The following SIPA1L3 variants were observed in gnomAD, a reference collection of about 807,000 sequenced individuals.
SIPA1L3 encodes the protein signal induced proliferation associated 1 like 3, also known as signal-induced proliferation-associated 1-like protein 3.
In SIPA1L3, 59 loss-of-function variants were observed where a neutral mutation model predicts 150.1. The ratio of observed to expected loss-of-function variants is 0.39; its 90% CI spans 0.32 to 0.49. SIPA1L3 has a LOEUF of 0.49. Ranked by LOEUF, SIPA1L3 falls within the 20% of genes least tolerant of loss-of-function variation. The probability of loss-of-function intolerance (pLI) is 0.86; values close to 1 mark genes in which losing one functional copy is unlikely to be tolerated. For missense variants in SIPA1L3, 2,211 were observed against 2,489.5 expected, an observed-to-expected ratio of 0.89 and a Z score of 2.38; for synonymous variants, 1,070 against 1,077.6, an observed-to-expected ratio of 0.99 and a Z score of 0.14.
intron 13 of SIPA1L3, 59 bp downstream of exon 13, chr19:38,153,026 CT>C: frequency 1.3e-6 from 2 of 1,569,214 alleles, no homozygotes; most frequent in South Asian, 2.3e-5. Flanking sequence ...GGACCTCTTA[CT>C]TAGAGCTTGA....
Position 38,164,971 on chromosome 19 carries a change from C to A in SIPA1L3, c.4208+65C>A. On this transcript the variant is annotated intron_variant, in intron 15 of 21. Transcript: ENST00000222345. The surrounding 1 kb of genome is among the most constrained non-coding windows in gnomAD (Gnocchi z 4.1). ...ACTTCGCCAGTTCTACTTTTACGGT[C>A]CTGATGGTGGGGTTCTCCTCCCCAG... is the stretch of plus-strand genomic sequence containing the variant. The A allele has an allele frequency of 7.1e-7, 1 of 1,408,976 alleles. No homozygotes were observed. The highest frequency in any genetic ancestry group is 1.4e-5 in the South Asian group (1 of 69,158). 87.3% of individuals were successfully genotyped at this position (1,408,976 alleles called of 1,614,324 possible).
In SIPA1L3 at chr19:38,198,378, TC is replaced by T; in HGVS notation, c.4841-7del. 6.5e-7 allele frequency: 1 copy of T among 1,531,344 alleles called. No homozygotes were observed. Among genetic ancestry groups the T allele is most frequent in the African/African-American group, 1.4e-5 (1 of 71,438 alleles). The allele number at this position is 1,531,344 out of a possible 1,614,324, so 94.9% of individuals were successfully genotyped here. On this transcript the variant is annotated splice_polypyrimidine_tract_variant and intron_variant, in intron 18 of 21. Transcript: ENST00000222345. ...CACTCAACCACTGCCATCTCCACCC[TC>T]CCCATCCAGCCACCATCTCAGCCTC...
intron 2 of SIPA1L3, among the ~76,000 whole-genome samples, chr19:38,069,662 T>A (rs537854596): frequency 1.8e-4 from 28 of 151,974 alleles, no homozygotes; most frequent in African/African-American, 6.5e-4. Context: ...CTATATATTT[T>A]TTTTTATTTT....
rs552599149 is a variant in SIPA1L3 at position 38,100,025 on chromosome 19, G to T, written c.1729G>T (p.Gly577Trp). The change falls in exon 5 of 22, where the codon GGG becomes TGG. Residue 577 changes from glycine (G) to tryptophan (W), a missense_variant. Transcript: ENST00000222345. ...GCCCACAGCCACCAAGCATGGGACCGGGCGGGGCCTGCCCTTGAAGGATGC... is the reference window on the plus strand; with the variant it reads ...GCCCACAGCCACCAAGCATGGGACCTGGCGGGGCCTGCCCTTGAAGGATGC... ...ATPTATKHGT[G>W]RGLPLKDALE... 9.3e-6 allele frequency: 15 copies of T among 1,611,748 alleles called. No homozygotes were observed. In the South Asian group the frequency reaches 1.7e-4, roughly 18 times the overall value.
At chr19:37,911,542 T>C (rs1440508750) in intron 1 of SIPA1L3, among the ~76,000 whole-genome samples, 1 of 150,824 alleles carries the variant, frequency 6.6e-6, no homozygotes, top group African/African-American at 2.4e-5. Flanking sequence ...GGAGTCTTGC[T>C]CTATCGCCCA....
At chr19:38,006,757 C>T (rs766236163) in intron 1 of SIPA1L3, among the ~76,000 whole-genome samples, 3 of 152,154 alleles carry the variant, frequency 2.0e-5, no homozygotes, top group Non-Finnish European at 4.4e-5. Context: ...GTGAGTATGA[C>T]CGGGCACACA....
At chr19:38,166,748 C>G (rs925661917) in intron 15 of SIPA1L3, among the ~76,000 whole-genome samples, 16 of 152,036 alleles carry the variant, frequency 1.1e-4, no homozygotes, top group African/African-American at 3.6e-4. Context: ...CCTGAGTCCC[C>G]GATAGCCATC....
chr19:37,948,071 A>G (rs1053835906), intron 1 of SIPA1L3, among the ~76,000 whole-genome samples: 4 of 152,180 alleles, frequency 2.6e-5, no homozygotes, highest in Admixed American at 2.0e-4. Context: ...CCTTAAGTTA[A>G]TGGTGGCCAC....
intron 12 of SIPA1L3, among the ~76,000 whole-genome samples, chr19:38,146,851 CT>C (rs1971711563): frequency 1.3e-5 from 2 of 152,154 alleles, no homozygotes; most frequent in African/African-American, 4.8e-5. Context: ...TTTGCCACCC[CT>C]GTATCCTCTT....
chr19:37,998,979 TCACACACACACACACA>T (rs35998048), intron 1 of SIPA1L3, among the ~76,000 whole-genome samples: 2 of 145,904 alleles, frequency 1.4e-5, no homozygotes, highest in South Asian at 2.2e-4. Flanking sequence ...GCCCTATCTA[TCACACACACACACACA>T]CACACACACA....
intron 2 of SIPA1L3, among the ~76,000 whole-genome samples, chr19:38,055,121 TCCG>T (rs1969287271): frequency 6.6e-6 from 1 of 152,198 alleles, no homozygotes; most frequent in African/African-American, 2.4e-5. Context: ...CTGCTGGCCT[TCCG>T]TTTCCTTAGC....
chr19:38,082,841 A>T lies in SIPA1L3; in HGVS notation c.1276A>T (p.Ser426Cys). The T allele has an allele frequency of 1.2e-6, 2 of 1,613,688 alleles. No homozygotes were observed. Among genetic ancestry groups the T allele is most frequent in the African/African-American group, 1.3e-5 (1 of 75,054 alleles). The change falls in exon 3 of 22, where the codon AGC (serine) becomes TGC (cysteine). Residue 426 changes from serine to cysteine, a missense_variant. By Grantham distance (112) the Ser-to-Cys change is moderately radical (BLOSUM62 -1). Around this residue, in one of 5 missense-constraint regions of SIPA1L3, gnomAD observed 587 missense variants for 534.5 expected, o/e 1.10. Coordinates refer to ENST00000222345, the MANE Select transcript of SIPA1L3 (RefSeq NM_015073.3). Reference sequence around the variant, plus strand: ...TGACAACAGCAACGACCTGCTGCTCAGCTGCCCGCACTTCCGCAATGAGAT... The same window carrying T: ...TGACAACAGCAACGACCTGCTGCTCTGCTGCCCGCACTTCCGCAATGAGAT... ...GDDNSNDLLL[S>C]CPHFRNEIGG...
rs138448545 is a variant in SIPA1L3, at chr19:38,092,535, C to T, written c.1665+3684C>T. Among the ~76,000 whole-genome samples the T allele has an allele frequency of 1.2e-4, 19 of 152,310 alleles. No homozygotes were observed. The East Asian group carries it at 3.3e-3, about 26-fold the overall frequency. On this transcript the variant is annotated intron_variant, in intron 4 of 21. Coordinates refer to ENST00000222345, the MANE Select transcript of SIPA1L3 (RefSeq NM_015073.3). ...ACCTGCTCCCGTCCACTTCCCACCC[C>T]CAGCACCTACAAAACTAGCCGTGGG...
intron 1 of SIPA1L3, among the ~76,000 whole-genome samples, chr19:37,994,752 G>A (rs191635908): frequency 2.0e-5 from 3 of 152,270 alleles, no homozygotes; most frequent in African/African-American, 7.2e-5. Flanking sequence ...ATGCTTGATG[G>A]CATTGAACCC....
At chr19:38,119,008 AACATAGTGAGACCTCGTCTCT>A (rs1451940798) in intron 8 of SIPA1L3, among the ~76,000 whole-genome samples, 1 of 152,136 alleles carries the variant, frequency 6.6e-6, no homozygotes, top group African/African-American at 2.4e-5. Context: ...CAGCCTGGGC[AACATAGTGAGACCTCGTCTCT>A]ACAAAAAATA....
At chr19:38,135,009 T>C (rs985513075) in intron 10 of SIPA1L3, among the ~76,000 whole-genome samples, 6 of 152,148 alleles carry the variant, frequency 3.9e-5, no homozygotes, top group African/African-American at 1.4e-4. Flanking sequence ...GCTGGTGTGA[T>C]CTCTGCTTTG....
intron 20 of SIPA1L3, among the ~76,000 whole-genome samples, chr19:38,203,212 G>A (rs1973127938): frequency 6.6e-6 from 1 of 152,164 alleles, no homozygotes; most frequent in Non-Finnish European, 1.5e-5. Context: ...GGTGCTGCTG[G>A]GCTGAGGGGC....
rs188735792 is a variant in SIPA1L3, at chr19:38,174,238, G to A, written c.4209-8281G>A. On this transcript the variant is annotated intron_variant, in intron 15 of 21. Transcript: ENST00000222345. ...CTCTGTGTCTGCTTCCTGAAGACCC[G>A]TCGCTTCTGCCCCACAGGCCACAGG... is the stretch of plus-strand genomic sequence containing the variant. Among the ~76,000 whole-genome samples, 9 of 152,268 alleles carry A rather than the reference G, an allele frequency of 5.9e-5. No homozygotes were observed. In the East Asian group the frequency reaches 1.4e-3, roughly 23 times the overall value.
At chr19:38,127,241 C>A (rs926435673) in intron 9 of SIPA1L3, among the ~76,000 whole-genome samples, 1 of 152,198 alleles carries the variant, frequency 6.6e-6, no homozygotes, top group African/African-American at 2.4e-5. Context: ...TAGTTACTGA[C>A]CCATGGCTGA....
Sources: gnomAD v4.1 joint callset for allele counts (sites outside exome capture counted in the v4.1 genomes callset) on GRCh38, gnomAD v4.1.1 for gene constraint, gnomAD v4.1.1 regional missense constraint, Gnocchi (gnomAD v3.1) non-coding constraint, MANE v1.5 for transcripts, NCBI Gene and HGNC (gene_info 2026-07-23, HGNC 2026-07-21) for gene names.